PTPRT: variants seen among roughly 807,000 people sequenced by gnomAD.
The protein encoded by PTPRT is protein tyrosine phosphatase receptor type T.
PTPRT carries 56 observed loss-of-function variants against 176.8 expected under a neutral mutation model. That is an observed-to-expected ratio of 0.32 (90% confidence interval 0.26 to 0.40). The LOEUF (loss-of-function observed/expected upper bound fraction) is 0.40, where lower values mean the gene tolerates loss of function less well. Among genes scored for constraint, PTPRT ranks in the 10% least tolerant of loss-of-function variants. The pLI is 1.00. For synonymous variants in PTPRT, 783 were observed against 739.0 expected (o/e 1.06, Z -0.96); for missense variants, 1,540 against 1,908.2 (o/e 0.81, Z 3.60).
intron 15 of PTPRT, among the ~76,000 whole-genome samples, chr20:42,209,049 G>A (rs2055549118): frequency 6.6e-6 from 1 of 152,140 alleles, no homozygotes. Context: ...AATGACTACT[G>A]GGTACATAAC....
intron 7 of PTPRT, among the ~76,000 whole-genome samples, chr20:42,543,596 T>G (rs1395929137): frequency 6.6e-6 from 1 of 151,996 alleles, no homozygotes; most frequent in Admixed American, 6.6e-5. Flanking sequence ...TATCTTGACA[T>G]TCTCATGAAT....
At chr20:42,616,470 T>C (rs1170862721) in intron 7 of PTPRT, among the ~76,000 whole-genome samples, 4 of 128,110 alleles carry the variant, frequency 3.1e-5, no homozygotes, top group Non-Finnish European at 6.5e-5. Context: ...TCCAATTCTG[T>C]GAAGAAAGGC....
At chr20:43,181,197 G>C (rs559554080) in intron 1 of PTPRT, among the ~76,000 whole-genome samples, 2 of 152,292 alleles carry the variant, frequency 1.3e-5, no homozygotes. Context: ...CCTGGAAGCA[G>C]ACCCTTCCCC....
intron 26 of PTPRT, among the ~76,000 whole-genome samples, chr20:42,099,756 CAAAGACCCTG>C (rs1314592456): frequency 6.6e-6 from 1 of 151,986 alleles, no homozygotes; most frequent in Admixed American, 6.6e-5. Context: ...GGGAAGAGGG[CAAAGACCCTG>C]GAAAAAGCAG....
chr20:42,470,284 T>C lies in PTPRT; in HGVS notation c.1450+1982A>G, dbSNP rs185610569. 8.4e-3 allele frequency among the ~76,000 whole-genome samples: 1,281 copies of C among 152,302 alleles called. 11 individuals are homozygous for C. Among genetic ancestry groups the C allele is most frequent in the Middle Eastern group, 0.014 (4 of 294 alleles). On this transcript the variant is annotated intron_variant, in intron 8 of 30. Coordinates refer to ENST00000373187, the MANE Select transcript of PTPRT (RefSeq NM_007050.6). Reference sequence around the variant, plus strand: ...CCTCCCCATCCCAGACCCTAACTGTTGGCTGGCAGCTTCCTTGCCTAACTT... The same window carrying C: ...CCTCCCCATCCCAGACCCTAACTGTCGGCTGGCAGCTTCCTTGCCTAACTT...
intron 23 of PTPRT, among the ~76,000 whole-genome samples, chr20:42,109,397 T>TTGAC (rs1986816420): frequency 6.6e-6 from 1 of 152,198 alleles, no homozygotes. Flanking sequence ...CTGGACACCC[T>TTGAC]TGACAGGATA....
intron 9 of PTPRT, among the ~76,000 whole-genome samples, chr20:42,356,686 A>T (rs1185032795): frequency 6.6e-6 from 1 of 152,076 alleles, no homozygotes; most frequent in Admixed American, 6.5e-5. Flanking sequence ...ACAAGAGTGA[A>T]ACTCCCTCTC....
intron 7 of PTPRT, among the ~76,000 whole-genome samples, chr20:42,476,494 C>T (rs183620526): frequency 6.6e-6 from 1 of 152,242 alleles, no homozygotes; most frequent in Non-Finnish European, 1.5e-5. Flanking sequence ...TAAGATACCA[C>T]GTGGGAACAC....
chr20:42,104,431 G>T, intron 25 of PTPRT, 138 bp downstream of exon 25: 1 of 1,001,026 alleles, frequency 1.0e-6, no homozygotes, highest in Non-Finnish European at 1.4e-6. Flanking sequence ...GGATTTACTG[G>T]AAGCTTGATG....
At chr20:42,940,401 A>C (rs1980463926) in intron 1 of PTPRT, among the ~76,000 whole-genome samples, 1 of 152,234 alleles carries the variant, frequency 6.6e-6, no homozygotes. Context: ...ATAACCAAGG[A>C]AAAGAAGACA....
intron 9 of PTPRT, among the ~76,000 whole-genome samples, chr20:42,405,488 C>T (rs2058952753): frequency 6.6e-6 from 1 of 152,114 alleles, no homozygotes; most frequent in Non-Finnish European, 1.5e-5. Context: ...TGATGGTTTC[C>T]AGCTTCATCC....
At chr20:42,648,817 G>GTTTTTTT (rs1439201331) in intron 7 of PTPRT, among the ~76,000 whole-genome samples, 1 of 109,896 alleles carries the variant, frequency 9.1e-6, no homozygotes, top group African/African-American at 4.5e-5. Flanking sequence ...TTTTGGTGTC[G>GTTTTTTT]TTGTTTTTTT....
intron 7 of PTPRT, among the ~76,000 whole-genome samples, chr20:42,532,177 G>A (rs1254260870): frequency 6.6e-6 from 1 of 152,116 alleles, no homozygotes; most frequent in African/African-American, 2.4e-5. Context: ...TAGGGCACAA[G>A]GTCAGCTGCC....
chr20:42,362,331 T>A (rs918137145), intron 9 of PTPRT, among the ~76,000 whole-genome samples: 1 of 152,100 alleles, frequency 6.6e-6, no homozygotes, highest in Non-Finnish European at 1.5e-5. Context: ...CTTGATACGA[T>A]GCTCTGAGAA....
intron 18 of PTPRT, among the ~76,000 whole-genome samples, chr20:42,133,896 G>A (rs1157147486): frequency 6.6e-6 from 1 of 152,198 alleles, no homozygotes; most frequent in Non-Finnish European, 1.5e-5. Context: ...CTTAATAAAT[G>A]ATGGTTTTGG....
At chr20:42,929,059 G>C (rs921432556) in intron 1 of PTPRT, among the ~76,000 whole-genome samples, 2 of 152,232 alleles carry the variant, frequency 1.3e-5, no homozygotes, top group Non-Finnish European at 2.9e-5. Flanking sequence ...CAGCAGAGCA[G>C]GTACTGCAGG....
Position 42,448,211 on chromosome 20 carries a change from C to A in PTPRT, c.1560+9G>T. On this transcript the variant is annotated intron_variant, in intron 9 of 30. Transcript: ENST00000373187. ...AAGCCAATGGATGCAGCACAAGGGA[C>A]CTCCTTACCTCGTAGAGCGTGATGA... The A allele has an allele frequency of 6.3e-7, 1 of 1,592,322 alleles. No homozygotes were observed. Among genetic ancestry groups the A allele is most frequent in the Admixed American group, 1.7e-5 (1 of 59,954 alleles).
At chr20:42,714,592 C>A (rs2076195467) in intron 6 of PTPRT, among the ~76,000 whole-genome samples, 1 of 152,184 alleles carries the variant, frequency 6.6e-6, no homozygotes, top group Admixed American at 6.5e-5. Context: ...AACTTGGTAT[C>A]CTGCCAAAAC....
intron 7 of PTPRT, among the ~76,000 whole-genome samples, chr20:42,567,736 T>G (rs1395697892): frequency 1.3e-5 from 2 of 152,164 alleles, no homozygotes; most frequent in Non-Finnish European, 2.9e-5. Context: ...ACTGCACAGA[T>G]GTAGGGGATG....
Sources: gnomAD v4.1 joint callset for allele counts (sites outside exome capture counted in the v4.1 genomes callset) on GRCh38, gnomAD v4.1.1 for gene constraint, MANE v1.5 for transcripts, NCBI Gene and HGNC (gene_info 2026-07-23, HGNC 2026-07-21) for gene names.